DOCK9: variants seen among roughly 807,000 people sequenced by gnomAD.
DOCK9 encodes the protein dedicator of cytokinesis protein 9.
A neutral mutation model predicts 263.3 loss-of-function variants in DOCK9; 89 were observed. That is an observed-to-expected ratio of 0.34 (90% confidence interval 0.28 to 0.40). The LOEUF (loss-of-function observed/expected upper bound fraction) is 0.40. Among genes scored for constraint, DOCK9 ranks in the 10% least tolerant of loss-of-function variants. DOCK9 has a pLI of 1.00. For synonymous variants in DOCK9, 976 were observed against 973.1 expected, an observed-to-expected ratio of 1.00 and a Z score of -0.06; for missense variants, 2,140 against 2,603.4, an observed-to-expected ratio of 0.82 and a Z score of 3.87.
At chr13:98,996,909 C>T (rs1441527075) in intron 1 of DOCK9, among the ~76,000 whole-genome samples, 1 of 152,154 alleles carries the variant, frequency 6.6e-6, no homozygotes, top group Non-Finnish European at 1.5e-5. Context: ...CCCAAAAATG[C>T]GGATCTTCTG....
At chr13:98,882,976 C>A (rs2045064407) in intron 23 of DOCK9, 66 bp downstream of exon 23, 4 of 1,389,334 alleles carry the variant, frequency 2.9e-6, no homozygotes, top group African/African-American at 2.9e-5. Context: ...CCACTCACCA[C>A]CAAAGAGAAA....
intron 45 of DOCK9, among the ~76,000 whole-genome samples, chr13:98,820,399 A>G (rs2092193684): frequency 6.6e-6 from 1 of 152,222 alleles, no homozygotes; most frequent in African/African-American, 2.4e-5. Context: ...GGGCCTGTTC[A>G]TGGTGTTACA....
chr13:98,915,476 C>T lies in DOCK9; in HGVS notation c.745G>A (p.Glu249Lys). 2 of 1,612,852 alleles carry T rather than the reference C, an allele frequency of 1.2e-6. No individual in the cohort carries two copies. Among genetic ancestry groups the T allele is most frequent in the Non-Finnish European group, 1.7e-6 (2 of 1,179,544 alleles). Reference protein sequence around the residue: ...QNNKVRRFAFELKMQDKSSYL... With the variant: ...QNNKVRRFAFKLKMQDKSSYL... Reference sequence around the variant, plus strand: ...CTACTTTTGTCCTGCATCTTGAGCTCAAAAGCAAAACGCCTGACTTTGTTG... The same window carrying T: ...CTACTTTTGTCCTGCATCTTGAGCTTAAAAGCAAAACGCCTGACTTTGTTG... Residue 249 changes from glutamate (E) to lysine (K), a missense_variant, in exon 8 of 53, where the codon GAG becomes AAG. Coordinates refer to ENST00000682017, the MANE Select transcript of DOCK9 (RefSeq NM_001366683.2).
chr13:98,862,587 G>A (rs1291035164), intron 32 of DOCK9, among the ~76,000 whole-genome samples: 1 of 152,084 alleles, frequency 6.6e-6, no homozygotes, highest in Non-Finnish European at 1.5e-5. Flanking sequence ...TAGTTGGGAG[G>A]CTCAGGCAGG....
Position 98,977,860 on chromosome 13 carries a change from A to T in DOCK9, c.50T>A (p.Leu17Gln), listed in dbSNP as rs1417790265. The T allele has an allele frequency of 1.2e-6, 2 of 1,605,314 alleles. No individual in the cohort carries two copies. The highest frequency in any genetic ancestry group is 1.7e-6 in the Non-Finnish European group (2 of 1,175,544). ...RTSSRSVKKE[L>Q]VIESPLQYKD... ...GTATTGCAGGGGGGACTCAATCACC[A>T]GTTCCTTTTTGACACTTCTACTACT... is the stretch of plus-strand genomic sequence containing the variant. The change falls in exon 1 of 53, where the codon CTG (leucine) becomes CAG (glutamine). Residue 17 changes from leucine (L) to glutamine (Q), a missense_variant. By Grantham distance (113) the Leu-to-Gln change is moderately radical. Around this residue, in one of 2 missense-constraint regions of DOCK9, gnomAD observed 1,521 missense variants for 1,741.7 expected, o/e 0.87. Coordinates refer to ENST00000682017, the MANE Select transcript of DOCK9 (RefSeq NM_001366683.2).
At chr13:98,945,318 G>A in intron 2 of DOCK9, among the ~76,000 whole-genome samples, 1 of 152,140 alleles carries the variant, frequency 6.6e-6, no homozygotes. Flanking sequence ...TTTGTTACAT[G>A]CTGATTCTCC....
intron 1 of DOCK9, among the ~76,000 whole-genome samples, chr13:99,004,148 G>C (rs984359661): frequency 1.3e-5 from 2 of 152,160 alleles, no homozygotes; most frequent in African/African-American, 2.4e-5. Flanking sequence ...CCCTGCGTAG[G>C]TGCTTGTGGT....
chr13:98,956,575 T>A (rs1160835792), intron 1 of DOCK9, among the ~76,000 whole-genome samples: 1 of 151,936 alleles, frequency 6.6e-6, no homozygotes, highest in Admixed American at 6.6e-5. Flanking sequence ...GATGAAACCC[T>A]GTCACTACAA....
chr13:98,906,402 C>T (rs1032006107), intron 9 of DOCK9, among the ~76,000 whole-genome samples: 11 of 152,178 alleles, frequency 7.2e-5, no homozygotes, highest in African/African-American at 2.7e-4. Context: ...TTCAGACATT[C>T]ACAAGATAGA....
At chr13:99,044,161 C>T (rs959633652) in intron 1 of DOCK9, among the ~76,000 whole-genome samples, 4 of 152,194 alleles carry the variant, frequency 2.6e-5, no homozygotes, top group South Asian at 2.1e-4. Flanking sequence ...GTTGAATGCT[C>T]GTAACAGGAA....
At chr13:99,070,382 G>A (rs1384088957) in intron 1 of DOCK9, among the ~76,000 whole-genome samples, 1 of 152,058 alleles carries the variant, frequency 6.6e-6, no homozygotes, top group East Asian at 1.9e-4. Context: ...ATCTTTTCAT[G>A]TGTTTCCTTC....
chr13:98,887,143 A>ATTT (rs58434344), intron 18 of DOCK9, among the ~76,000 whole-genome samples: 121 of 95,144 alleles, frequency 1.3e-3, no homozygotes, highest in Admixed American at 1.8e-3. Flanking sequence ...ATATATATAT[A>ATTT]TTTTTTTTTT....
At chr13:99,015,372 T>C (rs1363382439) in intron 1 of DOCK9, 2 of 1,244,844 alleles carry the variant, frequency 1.6e-6, no homozygotes, top group South Asian at 1.7e-5. Flanking sequence ...TAAATAAATA[T>C]ATTTGTTTAC....
chr13:99,043,284 T>C (rs1043891445), intron 1 of DOCK9, among the ~76,000 whole-genome samples: 1 of 152,244 alleles, frequency 6.6e-6, no homozygotes, highest in Non-Finnish European at 1.5e-5. Flanking sequence ...CATCAGTCTA[T>C]TCCTTGCCTC....
chr13:98,878,388 A>G (rs34048904), intron 27 of DOCK9, among the ~76,000 whole-genome samples: 21,806 of 152,222 alleles, frequency 0.14, 1,775 homozygotes, highest in South Asian at 0.32. Context: ...ACACATTCAT[A>G]TTCTTTTTCT....
chr13:98,831,157 C>T (rs1295416403), intron 41 of DOCK9, among the ~76,000 whole-genome samples, 191 bp downstream of exon 41: 4 of 152,188 alleles, frequency 2.6e-5, no homozygotes, highest in Non-Finnish European at 4.4e-5. Context: ...CCAACAGAAA[C>T]GCATCTCAGG....
chr13:98,872,263 T>G (rs1320324168), intron 27 of DOCK9, among the ~76,000 whole-genome samples: 3 of 152,192 alleles, frequency 2.0e-5, no homozygotes, highest in Non-Finnish European at 4.4e-5. Flanking sequence ...TCTTTGTGGC[T>G]TAGCAAACAA....
At position 98,902,962 on chromosome 13, in the gene DOCK9, G is replaced by A; in HGVS notation, c.1176+10C>T. 4 of 1,496,042 alleles carry A rather than the reference G, an allele frequency of 2.7e-6. No homozygotes were observed. Among genetic ancestry groups the A allele is most frequent in the Non-Finnish European group, 3.5e-6 (4 of 1,128,044 alleles). The allele number at this position is 1,496,042 out of a possible 1,614,324, so 92.7% of individuals were successfully genotyped here. ...TTTTTTTAATGTTTATTTTTAAAAT[G>A]AAAAATTACATTTGTAGTGGGTCCT... On this transcript the variant is annotated intron_variant, in intron 11 of 52. Coordinates refer to ENST00000682017, the MANE Select transcript of DOCK9 (RefSeq NM_001366683.2).
chr13:98,839,997 A>G (rs569573850), intron 38 of DOCK9, among the ~76,000 whole-genome samples: 1 of 152,346 alleles, frequency 6.6e-6, no homozygotes, highest in Admixed American at 6.5e-5. Flanking sequence ...CATCTAAAAA[A>G]TCAGCAGGAT....
Sources: gnomAD v4.1 joint callset for allele counts (sites outside exome capture counted in the v4.1 genomes callset) on GRCh38, gnomAD v4.1.1 for gene constraint, gnomAD v4.1.1 regional missense constraint, MANE v1.5 for transcripts, NCBI Gene and HGNC (gene_info 2026-07-23, HGNC 2026-07-21) for gene names.